NEK1: variants seen among roughly 807,000 people sequenced by gnomAD.
NEK1 encodes the protein NIMA related kinase 1, also known as serine/threonine-protein kinase Nek1.
A neutral mutation model predicts 182.1 loss-of-function variants in NEK1; 137 were observed. The ratio of observed to expected loss-of-function variants is 0.75; its 90% CI spans 0.65 to 0.87. The LOEUF (loss-of-function observed/expected upper bound fraction) is 0.87. NEK1 is among the 40% of genes least tolerant of loss of function. NEK1 has a pLI of 0.00. For synonymous variants in NEK1, 513 were observed against 492.2 expected, an observed-to-expected ratio of 1.04 and a Z score of -0.56; for missense variants, 1,391 against 1,494.4, an observed-to-expected ratio of 0.93 and a Z score of 1.14.
chr4:169,509,394 T>C (rs993920970), intron 19 of NEK1, among the ~76,000 whole-genome samples: 1 of 151,982 alleles, frequency 6.6e-6, no homozygotes, highest in Non-Finnish European at 1.5e-5. Flanking sequence ...TTTTTGAACA[T>C]AGTTTATATA....
chr4:169,484,597 T>A (rs1748715570), intron 23 of NEK1, among the ~76,000 whole-genome samples: 1 of 152,052 alleles, frequency 6.6e-6, no homozygotes, highest in South Asian at 2.1e-4. Flanking sequence ...TACTAAACGA[T>A]CTGGGGAAGA....
rs1330615928 is a variant in NEK1, at chr4:169,562,194, G to A, written c.1023C>T (p.Ala341=). The A allele has an allele frequency of 2.0e-6, 3 of 1,531,306 alleles. No homozygotes were observed. Among genetic ancestry groups the A allele is most frequent in the Non-Finnish European group, 2.6e-6 (3 of 1,137,224 alleles). The allele number at this position is 1,531,306 out of a possible 1,614,324, so 94.9% of individuals were successfully genotyped here. ...EKKPLQKHKQ[A]HQTPEKRVNT... is the part of the protein sequence containing the mutation. ...TCACTCTCTTCTCTGGAGTTTGATG[G>A]GCCTGGACAAAAAGTAAAACTACAA... Residue 341 remains alanine (A), a splice_region_variant and synonymous_variant, in exon 13 of 36, where the codon GCC becomes GCT. Coordinates refer to ENST00000507142, the MANE Select transcript of NEK1 (RefSeq NM_001199397.3).
At chr4:169,423,070 C>A (rs1229032684) in intron 31 of NEK1, among the ~76,000 whole-genome samples, 4 of 151,992 alleles carry the variant, frequency 2.6e-5, no homozygotes, top group African/African-American at 9.7e-5. Flanking sequence ...TGAAAGTATA[C>A]CCAGTTGGAA....
chr4:169,477,367 A>C lies in NEK1; in HGVS notation c.2206-15T>G. The C allele has an allele frequency of 6.4e-7, 1 of 1,557,280 alleles. No individual in the cohort carries two copies. Among genetic ancestry groups the C allele is most frequent in the Non-Finnish European group, 8.7e-7 (1 of 1,148,860 alleles). ...TCTCGCTTACTCTGAAAGTCACGAC[A>C]TTATATATTTTAATATGTATATCAT... On this transcript the variant is annotated splice_polypyrimidine_tract_variant and intron_variant, in intron 25 of 35. Transcript: ENST00000507142.
intron 23 of NEK1, among the ~76,000 whole-genome samples, chr4:169,484,866 A>T (rs1748762458): frequency 6.6e-6 from 1 of 152,136 alleles, no homozygotes; most frequent in Non-Finnish European, 1.5e-5. Flanking sequence ...TGCTATAGGG[A>T]TTGCATGAGA....
intron 12 of NEK1, among the ~76,000 whole-genome samples, chr4:169,569,640 C>T (rs1477712880): frequency 1.3e-5 from 2 of 152,104 alleles, no homozygotes; most frequent in Non-Finnish European, 1.5e-5. Flanking sequence ...TGCAGGCGCG[C>T]GCCACCACGC....
At chr4:169,431,497 AAG>A (rs1257359203) in intron 29 of NEK1, among the ~76,000 whole-genome samples, 4 of 143,382 alleles carry the variant, frequency 2.8e-5, no homozygotes, top group African/African-American at 1.0e-4. Context: ...TATTAATTAA[AAG>A]TATGTACTAG....
At chr4:169,436,029 T>C (rs928577639) in intron 28 of NEK1, among the ~76,000 whole-genome samples, 16 of 152,162 alleles carry the variant, frequency 1.1e-4, no homozygotes, top group African/African-American at 3.1e-4. Flanking sequence ...TCAGCCTCCC[T>C]AGCAGCTGGG....
intron 27 of NEK1, among the ~76,000 whole-genome samples, chr4:169,445,262 A>G (rs1253815594): frequency 6.6e-6 from 1 of 152,030 alleles, no homozygotes; most frequent in Admixed American, 6.6e-5. Context: ...CTACTGAAAC[A>G]AAAACAAAAA....
intron 2 of NEK1, among the ~76,000 whole-genome samples, chr4:169,608,832 G>A (rs370415155): frequency 6.6e-6 from 1 of 152,070 alleles, no homozygotes; most frequent in South Asian, 2.1e-4. Flanking sequence ...GCCGAGGCAG[G>A]CGGATCACTT....
chr4:169,547,635 C>T (rs183701081), intron 18 of NEK1, among the ~76,000 whole-genome samples: 55 of 152,300 alleles, frequency 3.6e-4, no homozygotes, highest in African/African-American at 1.2e-3. Context: ...TTGGTCTTTT[C>T]GCATACTCCC....
intron 16 of NEK1, among the ~76,000 whole-genome samples, chr4:169,557,758 C>T (rs766141912): frequency 1.3e-5 from 2 of 151,950 alleles, no homozygotes; most frequent in Non-Finnish European, 2.9e-5. Context: ...ATTGGCGAAA[C>T]AACATCCCTG....
chr4:169,595,922 CAAAAAAAAAAAA>C lies in NEK1; in HGVS notation c.312+3166_312+3177del, dbSNP rs56313001. ...TGGGGGACAGAGCCAGACTCCACCT[CAAAAAAAAAAAA>C]AAAAAAAAAAGGAAATATATGTGGA... On this transcript the variant is annotated intron_variant, in intron 5 of 35. Transcript: ENST00000507142. Among the ~76,000 whole-genome samples the C allele has an allele frequency of 1.3e-4, 9 of 67,196 alleles. No homozygotes were observed. In the South Asian group the frequency reaches 3.7e-3, roughly 27 times the overall value. The allele number at this position is 67,196 out of a possible 152,430, so 44.1% of individuals were successfully genotyped here.
chr4:169,462,393 CTG>C (rs1451166906), intron 27 of NEK1, among the ~76,000 whole-genome samples: 1 of 152,018 alleles, frequency 6.6e-6, no homozygotes, highest in Non-Finnish European at 1.5e-5. Context: ...TTGCAGATGA[CTG>C]TATTTCTCAA....
At chr4:169,610,121 C>T (rs1337918230) in intron 2 of NEK1, among the ~76,000 whole-genome samples, 2 of 151,742 alleles carry the variant, frequency 1.3e-5, no homozygotes, top group African/African-American at 4.8e-5. Context: ...CCTGCCTCAG[C>T]CTCCCAAGTA....
intron 26 of NEK1, among the ~76,000 whole-genome samples, chr4:169,467,790 C>T (rs1027714516): frequency 1.3e-5 from 2 of 151,064 alleles, no homozygotes; most frequent in African/African-American, 4.9e-5. Context: ...GATTTTTCAA[C>T]TTTACAATGG....
Position 169,537,857 on chromosome 4 carries a change from C to T in NEK1, c.1617G>A (p.Gln539=), listed in dbSNP as rs146569517. 417 of 1,611,998 alleles carry T rather than the reference C, an allele frequency of 2.6e-4. 1 individual carries two copies. The highest frequency in any genetic ancestry group is 8.9e-4 in the Admixed American group (53 of 59,836). The change falls in exon 19 of 36, where the codon CAG becomes CAA. Residue 539 remains glutamine, a synonymous_variant. Coordinates refer to ENST00000507142, the MANE Select transcript of NEK1 (RefSeq NM_001199397.3). ...TATTCTGCATAGCTTCCCGTTTTCG[C>T]TGCAGGAACTCTTCTACTTGTTTAG... The part of the protein sequence containing the change: ...ERAKQVEEFL[Q]RKREAMQNKA...
chr4:169,531,659 T>C (rs1221320731), intron 19 of NEK1, among the ~76,000 whole-genome samples: 1 of 152,106 alleles, frequency 6.6e-6, no homozygotes, highest in African/African-American at 2.4e-5. Flanking sequence ...GAAACAGACA[T>C]TATTAATCAT....
intron 23 of NEK1, among the ~76,000 whole-genome samples, chr4:169,505,194 G>A (rs569272141): frequency 4.8e-4 from 73 of 151,654 alleles, no homozygotes; most frequent in Non-Finnish European, 2.1e-4. Context: ...TTGTAAAGTT[G>A]TAAGGATTAA....
Sources: allele counts gnomAD v4.1 joint callset (sites outside exome capture counted in the v4.1 genomes callset), GRCh38; gene constraint gnomAD v4.1.1; transcripts MANE v1.5; gene names NCBI Gene and HGNC (gene_info 2026-07-23, HGNC 2026-07-21).